ARID1B: variants seen among roughly 807,000 people sequenced by gnomAD.
ARID1B encodes AT-rich interactive domain-containing protein 1B.
ARID1B carries 30 observed loss-of-function variants against 212.3 expected under a neutral mutation model. That is an observed-to-expected ratio of 0.14 (90% confidence interval 0.11 to 0.19). The LOEUF (loss-of-function observed/expected upper bound fraction) is 0.19. ARID1B is among the 10% of genes least tolerant of loss of function. ARID1B has a pLI of 1.00. For synonymous variants in ARID1B, 1,402 were observed against 1,301.7 expected (o/e 1.08, Z -1.66); for missense variants, 2,891 against 3,204.0 (o/e 0.90, Z 2.36).
chr6:157,040,534 C>T (rs925499022), intron 4 of ARID1B, among the ~76,000 whole-genome samples: 2 of 152,072 alleles, frequency 1.3e-5, no homozygotes, highest in East Asian at 1.9e-4. Context: ...TTCTCTTAAG[C>T]GAAATTAAAT....
intron 7 of ARID1B, among the ~76,000 whole-genome samples, chr6:157,135,660 G>A (rs1788855659): frequency 1.3e-5 from 2 of 152,300 alleles, no homozygotes; most frequent in East Asian, 3.9e-4. Context: ...CCGCCTTGGA[G>A]CCTCCTGTCC....
intron 3 of ARID1B, among the ~76,000 whole-genome samples, chr6:156,905,790 C>A (rs188284742): frequency 2.6e-5 from 4 of 152,132 alleles, no homozygotes; most frequent in African/African-American, 7.2e-5. Context: ...TTTTGCTATT[C>A]GTATGTGCTT....
chr6:157,062,264 A>G (rs1783389042), intron 4 of ARID1B, among the ~76,000 whole-genome samples: 1 of 151,504 alleles, frequency 6.6e-6, no homozygotes, highest in African/African-American at 2.4e-5. Flanking sequence ...CAGTGGCGCC[A>G]TAGCTCACTG....
intron 6 of ARID1B, among the ~76,000 whole-genome samples, chr6:157,114,217 A>T (rs1179776811): frequency 6.6e-6 from 1 of 152,160 alleles, no homozygotes; most frequent in Admixed American, 6.5e-5. Flanking sequence ...GTGAGTTAGT[A>T]TCTTTTTTTA....
rs1279481457 is a variant in ARID1B at position 156,977,122 on chromosome 6, C to T, written c.2247+41546C>T. 32 of 261,660 alleles carry T rather than the reference C, an allele frequency of 1.2e-4. No individual in the cohort carries two copies. The Admixed American group carries it at 1.6e-3, about 13-fold the overall frequency. 16.2% of individuals were successfully genotyped at this position (261,660 alleles called of 1,614,324 possible). ...AAAAAAAAAAAAGATTTTTCTCTCT[C>T]CTTGGTTTTAAGAAATTTAATTATG... On this transcript the variant is annotated intron_variant, in intron 4 of 19. Coordinates refer to ENST00000636930, the MANE Select transcript of ARID1B (RefSeq NM_001374828.1).
chr6:156,926,534 T>C (rs2128248400), intron 3 of ARID1B, among the ~76,000 whole-genome samples: 1 of 152,300 alleles, frequency 6.6e-6, no homozygotes, highest in East Asian at 1.9e-4. Context: ...TCATTCAGTT[T>C]CCTTTAAAAG....
chr6:156,819,279 G>A (rs770477504), intron 1 of ARID1B, among the ~76,000 whole-genome samples: 8 of 152,186 alleles, frequency 5.3e-5, no homozygotes, highest in Non-Finnish European at 8.8e-5. Context: ...GTAAATGTTA[G>A]AAAATGTTAA....
chr6:157,184,843 G>A (rs1446649427), intron 13 of ARID1B: 2 of 213,336 alleles, frequency 9.4e-6, no homozygotes, highest in Admixed American at 5.4e-5. Flanking sequence ...TCGACAGCTC[G>A]AGCTCCCCCG....
At chr6:157,161,431 G>GTGTATATATATA (rs540423195) in intron 8 of ARID1B, among the ~76,000 whole-genome samples, 59 of 139,406 alleles carry the variant, frequency 4.2e-4, no homozygotes, top group Non-Finnish European at 8.2e-4. Flanking sequence ...TTGTGTGTGT[G>GTGTATATATATA]TATATATATA....
intron 5 of ARID1B, among the ~76,000 whole-genome samples, chr6:157,105,004 A>G (rs1786351038): frequency 6.6e-6 from 1 of 152,238 alleles, no homozygotes; most frequent in Non-Finnish European, 1.5e-5. Flanking sequence ...TGTGCTAGCC[A>G]GTGGAACAGA....
rs567510459 is a variant in ARID1B, at chr6:156,879,486, C to T, written c.1987-21890C>T. Among the ~76,000 whole-genome samples, 3 of 152,290 alleles carry T rather than the reference C, an allele frequency of 2.0e-5. No individual in the cohort carries two copies. In the South Asian group the frequency reaches 6.2e-4, roughly 32 times the overall value. On this transcript the variant is annotated intron_variant, in intron 2 of 19. Coordinates refer to ENST00000636930, the MANE Select transcript of ARID1B (RefSeq NM_001374828.1). ...AAATTAAGCCTTTGCCCTTTTTTCC[C>T]TCTGTGAATTGCATATTTGTTTCAC...
rs1418921342 is a variant in ARID1B at position 157,190,347 on chromosome 6, C to A, written c.4231+137C>A. On this transcript the variant is annotated intron_variant, in intron 15 of 19. Transcript: ENST00000636930. This position sits in a 1 kb window ranked among gnomAD's most constrained non-coding sequence, Gnocchi z 4.6. Reference sequence around the variant, plus strand: ...GTGTGGGTCCCAGGTCCCCATCCTACTCCACTTGTGGCCTTGGGAAAAGCA... The same window carrying A: ...GTGTGGGTCCCAGGTCCCCATCCTAATCCACTTGTGGCCTTGGGAAAAGCA... The A allele has an allele frequency of 1.8e-6, 2 of 1,103,030 alleles. No individual in the cohort carries two copies. The highest frequency in any genetic ancestry group is 2.5e-6 in the Non-Finnish European group (2 of 799,188). 68.3% of individuals were successfully genotyped at this position (1,103,030 alleles called of 1,614,324 possible). A position where few individuals can be genotyped will look rare whatever the true frequency, so the allele number is the denominator to read the frequency against.
chr6:157,140,483 A>AG, intron 7 of ARID1B: 1 of 395,080 alleles, frequency 2.5e-6, no homozygotes, highest in Non-Finnish European at 4.5e-6. Flanking sequence ...AAAAATAAAA[A>AG]GAACACTTTT....
intron 7 of ARID1B, among the ~76,000 whole-genome samples, chr6:157,136,264 A>G (rs1420019077): frequency 6.6e-6 from 1 of 152,162 alleles, no homozygotes. Context: ...CCATTCTCTT[A>G]ATTAACGGGA....
intron 4 of ARID1B, among the ~76,000 whole-genome samples, chr6:156,981,867 C>T (rs1777627228): frequency 6.6e-6 from 1 of 152,152 alleles, no homozygotes; most frequent in African/African-American, 2.4e-5. Context: ...AACAACTGGG[C>T]AGTGCAGTCT....
intron 4 of ARID1B, among the ~76,000 whole-genome samples, chr6:157,040,464 T>C (rs2128523960): frequency 6.6e-6 from 1 of 152,342 alleles, no homozygotes; most frequent in Non-Finnish European, 1.5e-5. Flanking sequence ...TGATCTTTAA[T>C]GATCCTTTAT....
In ARID1B at chr6:157,055,711, A is replaced by G. The variant is rs113265282; in HGVS notation, c.2248-28951A>G. Among the ~76,000 whole-genome samples the G allele has an allele frequency of 1.0e-3, 155 of 152,328 alleles. 1 individual carries two copies. The highest frequency in any genetic ancestry group is 4.1e-3 in the South Asian group (20 of 4,822). On this transcript the variant is annotated intron_variant, in intron 4 of 19. Transcript: ENST00000636930. ...GAGTATCTCACAATTTCTGTAGCCA[A>G]GAGTCCAATAACTGGGTCCTCTACT...
chr6:157,136,157 A>C (rs899240137), intron 7 of ARID1B, among the ~76,000 whole-genome samples: 1 of 152,190 alleles, frequency 6.6e-6, no homozygotes, highest in Non-Finnish European at 1.5e-5. Context: ...TCCACTTTAC[A>C]GAGGAAGAAA....
chr6:156,872,940 C>T (rs976026539), intron 2 of ARID1B, among the ~76,000 whole-genome samples: 2 of 152,156 alleles, frequency 1.3e-5, no homozygotes, highest in African/African-American at 4.8e-5. Flanking sequence ...CTGGACACTC[C>T]CCTCCTGCTC....
Sources: allele counts gnomAD v4.1 joint callset (sites outside exome capture counted in the v4.1 genomes callset), GRCh38; gene constraint gnomAD v4.1.1; non-coding constraint Gnocchi (gnomAD v3.1); transcripts MANE v1.5; gene names NCBI Gene and HGNC (gene_info 2026-07-23, HGNC 2026-07-21).